Variants in EPB41 observed in about 807,000 individuals in gnomAD.
The protein encoded by EPB41 is protein 4.1.
In EPB41, 65 loss-of-function variants were observed where a neutral mutation model predicts 108.0. The observed-to-expected ratio is 0.60, with a 90% confidence interval of 0.49 to 0.74. The LOEUF (loss-of-function observed/expected upper bound fraction) is 0.74. Ranked by LOEUF, EPB41 falls within the 30% of genes least tolerant of loss-of-function variation. The probability of loss-of-function intolerance (pLI) is 0.00; values close to 1 mark genes in which losing one functional copy is unlikely to be tolerated. For missense variants in EPB41, 875 were observed against 1,037.0 expected, an observed-to-expected ratio of 0.84 and a Z score of 2.15; for synonymous variants, 336 against 358.9, an observed-to-expected ratio of 0.94 and a Z score of 0.72.
At chr1:29,073,973 C>T (rs1652726273) in intron 16 of EPB41, among the ~76,000 whole-genome samples, 1 of 152,088 alleles carries the variant, frequency 6.6e-6, no homozygotes, top group Non-Finnish European at 1.5e-5. Context: ...TCCTAAGTCA[C>T]TTCTGTAATA....
intron 1 of EPB41, among the ~76,000 whole-genome samples, chr1:28,940,820 C>T (rs544443352): frequency 1.3e-5 from 2 of 152,200 alleles, no homozygotes; most frequent in Non-Finnish European, 2.9e-5. Context: ...AAAATGTTTA[C>T]AATCGTCTGA....
At chr1:29,089,271 A>G (rs1350776571) in intron 16 of EPB41, among the ~76,000 whole-genome samples, 3 of 152,238 alleles carry the variant, frequency 2.0e-5, no homozygotes, top group Non-Finnish European at 4.4e-5. Context: ...CAAATGAGCC[A>G]CTGTTTATTT....
At chr1:28,981,420 GA>G (rs1172197517) in intron 1 of EPB41, among the ~76,000 whole-genome samples, 2 of 152,130 alleles carry the variant, frequency 1.3e-5, no homozygotes, top group African/African-American at 2.4e-5. Context: ...GCTCTAAAAG[GA>G]AAAAAGCAGC....
intron 18 of EPB41, among the ~76,000 whole-genome samples, chr1:29,111,993 A>C (rs1209157979): frequency 6.6e-6 from 1 of 151,878 alleles, no homozygotes; most frequent in East Asian, 1.9e-4. Context: ...AAAAAAAAAC[A>C]AAGATTTTAA....
At chr1:29,032,472 A>G (rs1266439738) in intron 8 of EPB41, among the ~76,000 whole-genome samples, 1 of 152,174 alleles carries the variant, frequency 6.6e-6, no homozygotes, top group African/African-American at 2.4e-5. Flanking sequence ...GTAGGCACTA[A>G]TATATTTCTC....
chr1:29,093,461 C>T (rs912500854), intron 16 of EPB41, among the ~76,000 whole-genome samples: 2 of 152,138 alleles, frequency 1.3e-5, no homozygotes, highest in African/African-American at 4.8e-5. Context: ...TTGTCAGATG[C>T]ATAATTTGCA....
chr1:29,004,831 C>G (rs146545809), intron 4 of EPB41, among the ~76,000 whole-genome samples: 85 of 152,244 alleles, frequency 5.6e-4, no homozygotes, highest in African/African-American at 1.9e-3. Flanking sequence ...CTAACAGCAG[C>G]ATAAATAAGG....
chr1:29,111,161 CA>C (rs1403223684), intron 18 of EPB41, among the ~76,000 whole-genome samples: 1 of 145,036 alleles, frequency 6.9e-6, no homozygotes, highest in African/African-American at 2.6e-5. Context: ...AGCAAGACTC[CA>C]TCTCAAAAAA....
At chr1:29,102,287 T>C (rs1210175253) in intron 17 of EPB41, among the ~76,000 whole-genome samples, 1 of 152,178 alleles carries the variant, frequency 6.6e-6, no homozygotes, top group East Asian at 1.9e-4. Context: ...GGGAACAAGC[T>C]ACATGATAAA....
chr1:28,985,352 G>A (rs1399493797), intron 1 of EPB41, among the ~76,000 whole-genome samples: 1 of 152,144 alleles, frequency 6.6e-6, no homozygotes, highest in Non-Finnish European at 1.5e-5. Context: ...CAAGGTTCAT[G>A]TCCTTATAGA....
chr1:29,107,492 T>A (rs1337846651), intron 17 of EPB41, among the ~76,000 whole-genome samples: 2 of 152,062 alleles, frequency 1.3e-5, no homozygotes. Context: ...TGGCACATAG[T>A]AGGAGTATAA....
At chr1:28,958,147 T>C (rs1038949797) in intron 1 of EPB41, among the ~76,000 whole-genome samples, 2 of 152,178 alleles carry the variant, frequency 1.3e-5, no homozygotes, top group Non-Finnish European at 2.9e-5. Flanking sequence ...TCAACAGATA[T>C]TACCTGGTTA....
At chr1:29,007,510 C>T (rs1294959153) in intron 4 of EPB41, among the ~76,000 whole-genome samples, 3 of 152,146 alleles carry the variant, frequency 2.0e-5, no homozygotes, top group African/African-American at 4.8e-5. Context: ...AAGTAATAAG[C>T]GAAAGTTTCA....
At chr1:29,085,949 T>G (rs1374623568) in intron 16 of EPB41, among the ~76,000 whole-genome samples, 1 of 152,228 alleles carries the variant, frequency 6.6e-6, no homozygotes, top group South Asian at 2.1e-4. Flanking sequence ...AGTTACTAGC[T>G]TATAATTCTT....
intron 16 of EPB41, chr1:29,073,152 C>G (rs1457871069): frequency 6.7e-6 from 1 of 149,198 alleles, no homozygotes; most frequent in Non-Finnish European, 1.5e-5. Context: ...GTCTTGGTTT[C>G]CTTCCTTCAT....
chr1:28,958,575 G>A (rs2095056146), intron 1 of EPB41, among the ~76,000 whole-genome samples: 1 of 151,980 alleles, frequency 6.6e-6, no homozygotes, highest in African/African-American at 2.4e-5. Context: ...ACTTTGGGAG[G>A]CCGAGGCGGG....
rs145271834 is a variant in EPB41 at position 29,093,891 on chromosome 1, C to T, written c.2185-3916C>T. On this transcript the variant is annotated intron_variant, in intron 16 of 20. Transcript: ENST00000343067. ...CTACACTCCAACCTGGGCGAGAAAG[C>T]GAGACTCTGTCTCCAAATATATATG... is the stretch of plus-strand genomic sequence containing the variant. Among the ~76,000 whole-genome samples the T allele has an allele frequency of 9.4e-4, 143 of 152,272 alleles. 1 individual carries two copies. Among genetic ancestry groups the T allele is most frequent in the Non-Finnish European group, 1.6e-3 (111 of 68,026 alleles).
In EPB41 at chr1:28,995,807, G is replaced by A. The variant is rs529740726; in HGVS notation, c.682-1408G>A. Among the ~76,000 whole-genome samples the A allele has an allele frequency of 5.9e-5, 9 of 152,200 alleles. No individual in the cohort carries two copies. The East Asian group carries it at 1.7e-3, about 29-fold the overall frequency. ...TTGGATTTTAGAATTATGAATAAGG[G>A]ATTAGGGAAAATACATGAAGCATTT... On this transcript the variant is annotated intron_variant, in intron 3 of 20. Transcript: ENST00000343067.
intron 1 of EPB41, among the ~76,000 whole-genome samples, chr1:28,960,894 C>T (rs2095184004): frequency 6.6e-6 from 1 of 151,728 alleles, no homozygotes; most frequent in Non-Finnish European, 1.5e-5. Context: ...ATTAGCCAGG[C>T]ATGGTGGCAG....
Sources: allele counts gnomAD v4.1 joint callset (sites outside exome capture counted in the v4.1 genomes callset), GRCh38; gene constraint gnomAD v4.1.1; transcripts MANE v1.5; gene names NCBI Gene and HGNC (gene_info 2026-07-23, HGNC 2026-07-21).